Variants in TIPIN observed in about 807,000 individuals in gnomAD.
TIPIN encodes the protein TIMELESS-interacting protein.
TIPIN carries 29 observed loss-of-function variants against 35.6 expected under a neutral mutation model. The ratio of observed to expected loss-of-function variants is 0.82; its 90% CI spans 0.61 to 1.11. The LOEUF (loss-of-function observed/expected upper bound fraction) is 1.11. Ranked by LOEUF, TIPIN falls within the 50% of genes most tolerant of loss-of-function variation. TIPIN has a pLI of 0.00. For missense variants in TIPIN, 296 were observed against 345.4 expected (o/e 0.86, Z 1.13); for synonymous variants, 102 against 121.5 (o/e 0.84, Z 1.06).
chr15:66,346,046 A>C (rs2093122730), intron 6 of TIPIN, among the ~76,000 whole-genome samples: 1 of 151,822 alleles, frequency 6.6e-6, no homozygotes, highest in South Asian at 2.1e-4. Context: ...TTCCGGGTTC[A>C]AGCAATTCTA....
At chr15:66,347,432 A>G (rs1350433375) in intron 6 of TIPIN, 1 of 391,490 alleles carries the variant, frequency 2.6e-6, no homozygotes, top group African/African-American at 2.1e-5. Flanking sequence ...ATTTCCCAGT[A>G]CCACTTTATC....
chr15:66,375,196 T>C (rs937339993), intron 1 of TIPIN, among the ~76,000 whole-genome samples: 1 of 152,100 alleles, frequency 6.6e-6, no homozygotes, highest in Non-Finnish European at 1.5e-5. Flanking sequence ...AGAAGATCGC[T>C]TGAGGCCAGG....
At chr15:66,359,042 CAAA>C (rs759382097), upstream of TIPIN, among the ~76,000 whole-genome samples, 2 of 133,206 alleles carry the variant, frequency 1.5e-5, no homozygotes, top group Non-Finnish European at 1.6e-5. Context: ...GACTCTGTCT[CAAA>C]AAAAAAAAAA....
chr15:66,379,859 A>T, intron 1 of TIPIN: 1 of 1,594,116 alleles, frequency 6.3e-7, no homozygotes, highest in South Asian at 1.1e-5. Flanking sequence ...GTCCCTTCAG[A>T]GTAATGTTGA....
intron 1 of TIPIN, among the ~76,000 whole-genome samples, chr15:66,381,587 A>C (rs1397499635): frequency 6.6e-5 from 10 of 152,160 alleles, no homozygotes; most frequent in Non-Finnish European, 1.5e-4. Context: ...TGATGTAATC[A>C]TTTCTCTTCT....
intron 1 of TIPIN, among the ~76,000 whole-genome samples, chr15:66,384,641 A>G (rs372209669): frequency 4.6e-5 from 7 of 151,750 alleles, no homozygotes; most frequent in Admixed American, 2.0e-4. Flanking sequence ...GGCCGGGCGC[A>G]GTGGCTCACG....
intron 1 of TIPIN, among the ~76,000 whole-genome samples, chr15:66,367,137 G>A (rs565853246): frequency 7.8e-4 from 117 of 149,580 alleles, no homozygotes; most frequent in African/African-American, 2.7e-3. Flanking sequence ...CCAAGATCGC[G>A]CCACTGCACT....
At chr15:66,377,282 A>C (rs1049771326) in intron 1 of TIPIN, among the ~76,000 whole-genome samples, 7 of 152,180 alleles carry the variant, frequency 4.6e-5, no homozygotes, top group African/African-American at 1.4e-4. Flanking sequence ...TTATCTGTGA[A>C]CTACCTATAT....
upstream of TIPIN, among the ~76,000 whole-genome samples, chr15:66,361,203 A>G (rs1299151836): frequency 6.6e-6 from 1 of 151,358 alleles, no homozygotes; most frequent in African/African-American, 2.4e-5. Flanking sequence ...GAAGTTTAGG[A>G]TCATTACCAA....
intron 1 of TIPIN, among the ~76,000 whole-genome samples, chr15:66,353,973 T>A (rs886413724): frequency 3.3e-5 from 5 of 151,856 alleles, no homozygotes; most frequent in African/African-American, 1.2e-4. Context: ...ATAAAAAAAA[T>A]TTAGCCAGGT....
chr15:66,374,092 C>A (rs2093287292), intron 1 of TIPIN, among the ~76,000 whole-genome samples: 1 of 152,050 alleles, frequency 6.6e-6, no homozygotes. Context: ...AAAACATTTA[C>A]TATTTAGATT....
At chr15:66,355,521 G>A (rs1007374904) in intron 1 of TIPIN, among the ~76,000 whole-genome samples, 9 of 151,522 alleles carry the variant, frequency 5.9e-5, no homozygotes, top group Non-Finnish European at 1.3e-4. Context: ...AGGCAGAGGC[G>A]GACGGATCAT....
chr15:66,338,895 G>A (rs1435228948), intron 7 of TIPIN, among the ~76,000 whole-genome samples: 1 of 150,164 alleles, frequency 6.7e-6, no homozygotes, highest in Non-Finnish European at 1.5e-5. Context: ...GACTTTGGGA[G>A]GCTGAGGCAG....
At chr15:66,341,482 T>C (rs2093086481) in intron 6 of TIPIN, 126 bp from the exon 7 acceptor site, 1 of 8,036 alleles carries the variant, frequency 1.2e-4, no homozygotes, top group Non-Finnish European at 5.7e-3. Context: ...TATAAGAATG[T>C]TGTGGGCCGG....
intron 1 of TIPIN, chr15:66,371,392 T>C: frequency 1.0e-6 from 1 of 984,078 alleles, no homozygotes. Context: ...GCCTATATCA[T>C]TTTTTTCAAC....
chr15:66,379,711 T>C, intron 1 of TIPIN: 2 of 1,609,844 alleles, frequency 1.2e-6, no homozygotes, highest in South Asian at 2.2e-5. Flanking sequence ...GTCCGAACGG[T>C]AGCCAGTTCT....
At chr15:66,383,347 C>T (rs1381962372) in intron 1 of TIPIN, among the ~76,000 whole-genome samples, 1 of 151,650 alleles carries the variant, frequency 6.6e-6, no homozygotes, top group East Asian at 1.9e-4. Context: ...ACTGTAACCT[C>T]CACCTCCTGG....
At chr15:66,376,289 A>G (rs2093296485) in intron 1 of TIPIN, among the ~76,000 whole-genome samples, 1 of 152,156 alleles carries the variant, frequency 6.6e-6, no homozygotes, top group Non-Finnish European at 1.5e-5. Context: ...TAAATGTGTC[A>G]TGATTTATTT....
intron 5 of TIPIN, 91 bp downstream of exon 5, chr15:66,349,224 A>C: frequency 1.9e-6 from 3 of 1,600,036 alleles, no homozygotes; most frequent in Non-Finnish European, 2.6e-6. Context: ...AGAGATTTCA[A>C]AATGAACACT....
Sources: gnomAD v4.1 joint callset for allele counts (sites outside exome capture counted in the v4.1 genomes callset) on GRCh38, gnomAD v4.1.1 for gene constraint, MANE v1.5 for transcripts, NCBI Gene and HGNC (gene_info 2026-07-23, HGNC 2026-07-21) for gene names.